Variants in TTC23 observed in about 807,000 individuals in gnomAD.
TTC23 encodes the protein tetratricopeptide repeat domain 23, also known as tetratricopeptide repeat protein 23.
A neutral mutation model predicts 55.1 loss-of-function variants in TTC23; 58 were observed. The ratio of observed to expected loss-of-function variants is 1.05; its 90% CI spans 0.85 to 1.31. The LOEUF is 1.31. Ranked by LOEUF, TTC23 falls within the 50% of genes most tolerant of loss-of-function variation. The pLI is 0.00. For synonymous variants in TTC23, 203 were observed against 199.9 expected, an observed-to-expected ratio of 1.02 and a Z score of -0.13; for missense variants, 516 against 534.4, an observed-to-expected ratio of 0.97 and a Z score of 0.34.
chr15:99,206,917 A>G lies in TTC23; in HGVS notation c.582-6821T>C, dbSNP rs141792163. Among the ~76,000 whole-genome samples the G allele has an allele frequency of 1.4e-3, 206 of 151,952 alleles. 4 individuals carry two copies. The South Asian group carries it at 0.017, about 12-fold the overall frequency. The stretch of plus-strand genomic sequence containing the variant: ...TAGGCTGTTTATTTGAAGGTTTTCT[A>G]CTTTTTGGAGGTAAGCATTTATTGC... On this transcript the variant is annotated intron_variant, in intron 8 of 13. Coordinates refer to ENST00000394132, the MANE Select transcript of TTC23 (RefSeq NM_001288615.3).
intron 10 of TTC23, among the ~76,000 whole-genome samples, chr15:99,168,468 G>A (rs934518140): frequency 3.9e-5 from 6 of 152,294 alleles, no homozygotes; most frequent in East Asian, 3.9e-4. Context: ...ATGTAGATGC[G>A]TTTTCCATAA....
chr15:99,200,046 G>C lies in TTC23; in HGVS notation c.632C>G (p.Ala211Gly). ...KSKEALSHYQ[A>G]ALEYVEISKG... The stretch of plus-strand genomic sequence containing the variant: ...ACTGATCTCAACATATTCCAAAGCT[G>C]CTTGATAGTGGGACAAAGCTTCTTT... The change falls in exon 9 of 14, where the codon GCA becomes GGA. Residue 211 changes from alanine to glycine, a missense_variant. By Grantham distance (60) the Ala-to-Gly change is moderately conservative. Coordinates refer to ENST00000394132, the MANE Select transcript of TTC23 (RefSeq NM_001288615.3). 1.2e-6 allele frequency: 2 copies of C among 1,612,916 alleles called. No homozygotes were observed. The highest frequency in any genetic ancestry group is 1.7e-6 in the Non-Finnish European group (2 of 1,179,336).
At chr15:99,166,912 G>C (rs985304179) in intron 10 of TTC23, among the ~76,000 whole-genome samples, 3 of 152,146 alleles carry the variant, frequency 2.0e-5, no homozygotes, top group Non-Finnish European at 2.9e-5. Context: ...GTGTCCACGT[G>C]TGCACCTTCC....
chr15:99,198,347 A>G (rs1032906206), intron 9 of TTC23, among the ~76,000 whole-genome samples: 2 of 152,164 alleles, frequency 1.3e-5, no homozygotes, highest in Non-Finnish European at 2.9e-5. Context: ...GGAGTCATCT[A>G]TAACTCTTCC....
chr15:99,220,759 C>T (rs1380310755), intron 6 of TTC23, among the ~76,000 whole-genome samples: 1 of 152,128 alleles, frequency 6.6e-6, no homozygotes, highest in Non-Finnish European at 1.5e-5. Context: ...TCACCATTAC[C>T]ATCATCATCA....
At chr15:99,251,184 C>G (rs1279316124), upstream of TTC23, 4 of 152,450 alleles carry the variant, frequency 2.6e-5, no homozygotes, top group Non-Finnish European at 4.4e-5. Context: ...AAAGCCACTC[C>G]GTCGACATCA....
chr15:99,243,129 T>G (rs1195768721), intron 2 of TTC23, among the ~76,000 whole-genome samples: 3 of 151,992 alleles, frequency 2.0e-5, no homozygotes, highest in African/African-American at 7.3e-5. Flanking sequence ...CCAGAATATA[T>G]AAGGAGCTTA....
chr15:99,205,619 G>T, intron 8 of TTC23, among the ~76,000 whole-genome samples: 1 of 150,190 alleles, frequency 6.7e-6, no homozygotes. Context: ...GCTAGCTGTT[G>T]GCATACAGAA....
chr15:99,223,785 G>A (rs1427232494), intron 5 of TTC23, among the ~76,000 whole-genome samples: 2 of 152,318 alleles, frequency 1.3e-5, no homozygotes, highest in South Asian at 2.1e-4. Context: ...AAACCCCACT[G>A]AGCTCTGCAA....
chr15:99,219,084 T>A, intron 6 of TTC23, 36 bp from the exon 7 acceptor site: 1 of 1,609,424 alleles, frequency 6.2e-7, no homozygotes, highest in Non-Finnish European at 8.5e-7. Flanking sequence ...AGTTTCTCTA[T>A]CATCTCAACT....
chr15:99,152,698 A>G (rs1231025384), intron 12 of TTC23, among the ~76,000 whole-genome samples: 1 of 152,168 alleles, frequency 6.6e-6, no homozygotes, highest in East Asian at 1.9e-4. Context: ...GCAATGCAAG[A>G]ATGGCCTAAT....
chr15:99,247,900 A>C (rs2080398791), intron 1 of TTC23, among the ~76,000 whole-genome samples: 1 of 152,164 alleles, frequency 6.6e-6, no homozygotes, highest in Non-Finnish European at 1.5e-5. Flanking sequence ...TATATCCTTA[A>C]GACAAATGAA....
At chr15:99,232,523 A>C (rs966136718) in intron 4 of TTC23, among the ~76,000 whole-genome samples, 1 of 152,068 alleles carries the variant, frequency 6.6e-6, no homozygotes, top group Admixed American at 6.6e-5. Flanking sequence ...TATTCCTCAA[A>C]AGATATACAA....
intron 4 of TTC23, among the ~76,000 whole-genome samples, chr15:99,231,653 C>A (rs1343248986): frequency 6.6e-6 from 1 of 151,124 alleles, no homozygotes; most frequent in Non-Finnish European, 1.5e-5. Context: ...CCACCATACC[C>A]GGCTATTTTT....
In TTC23 at chr15:99,189,787, C is replaced by G. The variant is rs114220330; in HGVS notation, c.759+10132G>C. On this transcript the variant is annotated intron_variant, in intron 9 of 13. Transcript: ENST00000394132. ...AGAGCCATGACAACTAAATGTAATA[C>G]ATGATCCTGGAGTGGATCTTGCATT... Among the ~76,000 whole-genome samples, 152 of 152,278 alleles carry G rather than the reference C, an allele frequency of 1.0e-3. 1 individual carries two copies. The highest frequency in any genetic ancestry group is 3.4e-3 in the African/African-American group (143 of 41,566).
intron 3 of TTC23, among the ~76,000 whole-genome samples, chr15:99,235,713 A>C (rs542084403): frequency 6.6e-5 from 10 of 152,136 alleles, no homozygotes; most frequent in Non-Finnish European, 1.0e-4. Flanking sequence ...ACATTAAGTA[A>C]ATTCACATTG....
At chr15:99,149,905 T>G (rs1315485414) in intron 12 of TTC23, among the ~76,000 whole-genome samples, 1 of 152,226 alleles carries the variant, frequency 6.6e-6, no homozygotes, top group Non-Finnish European at 1.5e-5. Flanking sequence ...TGCTCAAGTT[T>G]CTGTGTATCT....
Position 99,162,331 on chromosome 15 carries a change from C to T in TTC23, c.866-464G>A, listed in dbSNP as rs139572542. On this transcript the variant is annotated intron_variant, in intron 10 of 13. Coordinates refer to ENST00000394132, the MANE Select transcript of TTC23 (RefSeq NM_001288615.3). ...AATCTGGAAAATATTGCTGACATGC[C>T]GCTGAGGGAAGAAATCATTCAAAAC... Among the ~76,000 whole-genome samples, 373 of 152,222 alleles carry T rather than the reference C, an allele frequency of 2.5e-3. 3 individuals are homozygous for T. Among genetic ancestry groups the T allele is most frequent in the African/African-American group, 8.4e-3 (350 of 41,526 alleles).
rs1367835560 is a variant in TTC23, at chr15:99,249,239, C to T, written c.-499G>A. On this transcript the variant is annotated 5_prime_UTR_variant, in exon 1 of 14. Transcript: ENST00000394132. The stretch of plus-strand genomic sequence containing the variant: ...TTCACCCTAAAGAGAAAAATGCTCT[C>T]TGAACACTCTTCTTCCTGCTGTCTT... The T allele has an allele frequency of 6.6e-6, 1 of 152,142 alleles. No individual in the cohort carries two copies. Among genetic ancestry groups the T allele is most frequent in the Non-Finnish European group, 1.5e-5 (1 of 68,030 alleles). The allele number at this position is 152,142 out of a possible 1,614,324, so 9.4% of individuals were successfully genotyped here. A position where few individuals can be genotyped will look rare whatever the true frequency, so the allele number is the denominator to read the frequency against.
Sources: gnomAD v4.1 joint callset for allele counts (sites outside exome capture counted in the v4.1 genomes callset) on GRCh38, gnomAD v4.1.1 for gene constraint, MANE v1.5 for transcripts, NCBI Gene and HGNC (gene_info 2026-07-23, HGNC 2026-07-21) for gene names.